CAPN13: variants seen among roughly 807,000 people sequenced by gnomAD.
CAPN13 encodes the protein calpain 13, also known as calpain-13.
Under a neutral mutation model 98.4 loss-of-function variants are expected in CAPN13, and 90 were observed. That is an observed-to-expected ratio of 0.92 (90% CI 0.77 to 1.09). CAPN13 has a LOEUF of 1.09. Ranked by LOEUF, CAPN13 falls within the 50% of genes least tolerant of loss-of-function variation. The pLI, the probability that CAPN13 is intolerant of heterozygous loss-of-function variation, is 0.00. For synonymous variants in CAPN13, 330 were observed against 305.5 expected, an observed-to-expected ratio of 1.08 and a Z score of -0.84; for missense variants, 887 against 841.3, an observed-to-expected ratio of 1.05 and a Z score of -0.67.
At chr2:30,764,835 T>C (rs6734228) in intron 5 of CAPN13, among the ~76,000 whole-genome samples, 89,849 of 151,880 alleles carry the variant, frequency 0.59, 27,085 homozygotes, top group South Asian at 0.64. Flanking sequence ...TAAGAGCTCA[T>C]AGCCATACCC....
At chr2:30,756,299 CCAG>C (rs1454214856) in intron 8 of CAPN13, among the ~76,000 whole-genome samples, 12 of 152,070 alleles carry the variant, frequency 7.9e-5, no homozygotes, top group Non-Finnish European at 1.6e-4. Context: ...ATCAATGTTC[CCAG>C]CTGGGTGCAA....
chr2:30,795,589 T>G (rs1674817392), intron 1 of CAPN13, among the ~76,000 whole-genome samples: 1 of 152,108 alleles, frequency 6.6e-6, no homozygotes, highest in Non-Finnish European at 1.5e-5. Context: ...TTTGTGCCCA[T>G]TTGTCTATTG....
At chr2:30,753,333 C>A in intron 9 of CAPN13, 135 bp from the exon 10 acceptor site, 1 of 880,338 alleles carries the variant, frequency 1.1e-6, no homozygotes, top group South Asian at 1.7e-5. Context: ...CCATCAAGCA[C>A]CCTTCTATCT....
chr2:30,802,349 G>T (rs1444901259), intron 1 of CAPN13, among the ~76,000 whole-genome samples: 1 of 152,022 alleles, frequency 6.6e-6, no homozygotes, highest in African/African-American at 2.4e-5. Flanking sequence ...CCATCTCTGG[G>T]GTCAGGATAT....
intron 5 of CAPN13, among the ~76,000 whole-genome samples, chr2:30,768,708 T>TCCTTCCTTCCTTCCTTCCTTCCTTCC (rs1673235097): frequency 1.3e-5 from 2 of 152,072 alleles, no homozygotes; most frequent in African/African-American, 4.8e-5. Context: ...CTTCCTTCCT[T>TCCTTCCTTCCTTCCTTCCTTCCTTCC]TTATCCACAT....
At chr2:30,747,871 C>A (rs17010136) in intron 11 of CAPN13, among the ~76,000 whole-genome samples, 4,258 of 152,324 alleles carry the variant, frequency 0.028, 239 homozygotes, top group Admixed American at 0.15. Context: ...CTCCAGGAAG[C>A]CTGAGGAGCT....
chr2:30,741,573 C>T (rs925102438), intron 15 of CAPN13: 3 of 1,079,560 alleles, frequency 2.8e-6, no homozygotes, highest in East Asian at 7.0e-5. Context: ...GGGAGGTGGC[C>T]GAGTAGGAGA....
At chr2:30,729,832 A>T (rs1020751112) in intron 22 of CAPN13, 1 of 152,224 alleles carries the variant, frequency 6.6e-6, no homozygotes, top group African/African-American at 2.4e-5. Context: ...CGGCTGCGTG[A>T]AGAACTGTAT....
At chr2:30,751,387 C>G (rs1672170212) in intron 10 of CAPN13, 136 bp from the exon 11 acceptor site, 2 of 848,320 alleles carry the variant, frequency 2.4e-6, no homozygotes, top group African/African-American at 1.7e-5. Context: ...GATCCCAATC[C>G]CCACAGTTAC....
At chr2:30,736,113 G>C (rs111556143) in intron 18 of CAPN13, among the ~76,000 whole-genome samples, 6 of 152,072 alleles carry the variant, frequency 3.9e-5, no homozygotes, top group African/African-American at 1.4e-4. Flanking sequence ...GGAACAATGG[G>C]GAGGCCACAT....
At chr2:30,795,138 C>A (rs1445163234) in intron 1 of CAPN13, among the ~76,000 whole-genome samples, 6 of 152,000 alleles carry the variant, frequency 3.9e-5, no homozygotes, top group Non-Finnish European at 8.8e-5. Flanking sequence ...TATTTCACTG[C>A]TGTATGTTAC....
intron 12 of CAPN13, 33 bp downstream of exon 12, chr2:30,745,690 G>A (rs895386501): frequency 6.3e-7 from 1 of 1,595,618 alleles, no homozygotes; most frequent in Non-Finnish European, 8.5e-7. Flanking sequence ...GACAGCAGCA[G>A]AGGCGCAGGG....
intron 2 of CAPN13, 130 bp from the exon 3 acceptor site, chr2:30,777,769 G>T (rs748927744): frequency 3.5e-5 from 26 of 740,666 alleles, no homozygotes; most frequent in Admixed American, 8.5e-5. Flanking sequence ...AGTTAGGAAA[G>T]TTCACCACGT....
Position 30,770,376 on chromosome 2 carries a change from A to G in CAPN13, c.461T>C (p.Phe154Ser), listed in dbSNP as rs762348286. The G allele has an allele frequency of 1.9e-6, 3 of 1,614,012 alleles. No individual in the cohort carries two copies. Among genetic ancestry groups the G allele is most frequent in the South Asian group, 2.2e-5 (2 of 91,082 alleles). The change falls in exon 5 of 23, where the codon TTT becomes TCT. Residue 154 changes from phenylalanine (F) to serine (S), a missense_variant. By Grantham distance (155) the Phe-to-Ser change is radical. Transcript: ENST00000295055. ...TTGGTTTTGGTGGCGAGGACGCACA[A>G]AGAGGCATTTATCTCCCTGGACAGG... ...RLPVQGDKCL[F>S]VRPRHQNQEF...
At chr2:30,768,502 G>A (rs891025351) in intron 5 of CAPN13, among the ~76,000 whole-genome samples, 1 of 152,260 alleles carries the variant, frequency 6.6e-6, no homozygotes, top group East Asian at 1.9e-4. Flanking sequence ...CCAAACCAAC[G>A]CCAGAGCCTT....
At chr2:30,799,039 T>G (rs572188923) in intron 1 of CAPN13, among the ~76,000 whole-genome samples, 1 of 152,280 alleles carries the variant, frequency 6.6e-6, no homozygotes, top group South Asian at 2.1e-4. Flanking sequence ...GCAAACCACT[T>G]TCAGCTATAT....
intron 7 of CAPN13, among the ~76,000 whole-genome samples, 199 bp downstream of exon 7, chr2:30,762,883 A>T (rs942483058): frequency 6.6e-6 from 1 of 152,214 alleles, no homozygotes; most frequent in African/African-American, 2.4e-5. Context: ...CTCAGAAAGG[A>T]GGACACTGGG....
intron 1 of CAPN13, among the ~76,000 whole-genome samples, chr2:30,799,516 C>G (rs890949824): frequency 6.6e-6 from 1 of 152,106 alleles, no homozygotes; most frequent in Non-Finnish European, 1.5e-5. Context: ...AAGTGGGGCT[C>G]AAGGTGAAAC....
At chr2:30,776,427 G>A (rs903696209) in intron 3 of CAPN13, among the ~76,000 whole-genome samples, 9 of 152,040 alleles carry the variant, frequency 5.9e-5, no homozygotes, top group African/African-American at 2.2e-4. Flanking sequence ...TGGCCAGGCT[G>A]GTCTCAAACT....
Sources: gnomAD v4.1 joint callset for allele counts (sites outside exome capture counted in the v4.1 genomes callset) on GRCh38, gnomAD v4.1.1 for gene constraint, MANE v1.5 for transcripts, NCBI Gene and HGNC (gene_info 2026-07-23, HGNC 2026-07-21) for gene names.